OTOGL: variants seen among roughly 807,000 people sequenced by gnomAD.
OTOGL encodes otogelin like, also known as otogelin-like protein.
OTOGL carries 285 observed loss-of-function variants against 318.5 expected under a neutral mutation model. That is an observed-to-expected ratio of 0.89 (90% CI 0.81 to 0.99). OTOGL has a LOEUF of 0.99. Ranked by LOEUF, OTOGL falls within the 50% of genes least tolerant of loss-of-function variation. The pLI, the probability that OTOGL is intolerant of heterozygous loss-of-function variation, is 0.00. For synonymous variants in OTOGL, 987 were observed against 936.5 expected (o/e 1.05, Z -0.99); for missense variants, 2,899 against 2,845.6 (o/e 1.02, Z -0.43).
At chr12:80,309,180 G>A (rs1004292109) in intron 29 of OTOGL, among the ~76,000 whole-genome samples, 14 of 152,102 alleles carry the variant, frequency 9.2e-5, no homozygotes, top group African/African-American at 3.1e-4. Flanking sequence ...ATTACATACA[G>A]ACACATAATA....
chr12:80,289,509 C>A lies in OTOGL; in HGVS notation c.2929-7318C>A, dbSNP rs1443004031. On this transcript the variant is annotated intron_variant, in intron 26 of 58. Coordinates refer to ENST00000547103, the MANE Select transcript of OTOGL (RefSeq NM_001378609.3). ...AGCTGTGCCCACAGCTGACCCTTCCCGCAGGTGCTCTGTCCAGGGAGATGG... is the reference window on the plus strand; with the variant it reads ...AGCTGTGCCCACAGCTGACCCTTCCAGCAGGTGCTCTGTCCAGGGAGATGG... 2.0e-5 allele frequency among the ~76,000 whole-genome samples: 3 copies of A among 152,314 alleles called. No individual in the cohort carries two copies. In the South Asian group the frequency reaches 6.2e-4, roughly 32 times the overall value.
intron 1 of OTOGL, among the ~76,000 whole-genome samples, chr12:80,148,835 G>T (rs1045529285): frequency 1.7e-4 from 26 of 152,110 alleles, no homozygotes; most frequent in African/African-American, 2.7e-4. Flanking sequence ...CTTTCTTCCA[G>T]TTGATCGCAT....
chr12:80,254,960 T>G, intron 15 of OTOGL, 80 bp from the exon 16 acceptor site: 1 of 1,162,056 alleles, frequency 8.6e-7, no homozygotes, highest in Non-Finnish European at 1.1e-6. Flanking sequence ...AGGATTAACC[T>G]AATGGTATCA....
chr12:80,183,222 T>C (rs931433295), intron 1 of OTOGL, among the ~76,000 whole-genome samples: 2 of 152,226 alleles, frequency 1.3e-5, no homozygotes, highest in East Asian at 3.9e-4. Flanking sequence ...AGATTGGAGA[T>C]GACAGTCCTA....
intron 44 of OTOGL, chr12:80,343,536 T>TTTTAAC (rs1565999871): frequency 8.1e-6 from 1 of 123,972 alleles, no homozygotes; most frequent in Non-Finnish European, 1.7e-5. Flanking sequence ...TTTTTTTTTT[T>TTTTAAC]AACTTTCTTT....
intron 37 of OTOGL, among the ~76,000 whole-genome samples, chr12:80,332,001 A>G (rs1276022947): frequency 1.3e-5 from 2 of 152,156 alleles, no homozygotes; most frequent in Admixed American, 6.6e-5. Context: ...AAGTTAAAGG[A>G]AGGGACCATG....
At position 80,266,526 on chromosome 12, in the gene OTOGL, C is replaced by T; in HGVS notation, c.2300C>T (p.Ser767Phe). 6.2e-7 allele frequency: 1 copy of T among 1,613,372 alleles called. No individual in the cohort carries two copies. Among genetic ancestry groups the T allele is most frequent in the Non-Finnish European group, 8.5e-7 (1 of 1,179,544 alleles). The change falls in exon 21 of 59, where the codon TCC (serine) becomes TTC (phenylalanine). Residue 767 changes from serine (S) to phenylalanine (F), a missense_variant. Around this residue, in one of 3 missense-constraint regions of OTOGL, gnomAD observed 2,607 missense variants for 2,524.9 expected, o/e 1.03. Transcript: ENST00000547103. Reference protein sequence around the residue: ...FCLHSCISLSSPEQCSDDCAE... With the variant: ...FCLHSCISLSFPEQCSDDCAE... ...CTCCATTCCTGCATTTCTCTCTCTT[C>T]CCCGGAGCAGTGCAGTGATGACTGT...
At chr12:80,268,707 T>C (rs1207829656) in intron 22 of OTOGL, among the ~76,000 whole-genome samples, 1 of 152,104 alleles carries the variant, frequency 6.6e-6, no homozygotes, top group African/African-American at 2.4e-5. Context: ...GGATTTTACT[T>C]GATTTTACTT....
Position 80,337,079 on chromosome 12 carries a change from G to A in OTOGL, c.4860+75G>A, listed in dbSNP as rs1249252220. Reference sequence around the variant, plus strand: ...ATACAAACAGTTATTTCCAATAAGAGGGAAAATTAAGCATATCAATGGAAT... The same window carrying A: ...ATACAAACAGTTATTTCCAATAAGAAGGAAAATTAAGCATATCAATGGAAT... On this transcript the variant is annotated intron_variant, in intron 42 of 58. Transcript: ENST00000547103. 7 of 1,141,842 alleles carry A rather than the reference G, an allele frequency of 6.1e-6. No individual in the cohort carries two copies. The East Asian group carries it at 7.7e-5, about 13-fold the overall frequency. 70.7% of individuals were successfully genotyped at this position (1,141,842 alleles called of 1,614,324 possible). A position where few individuals can be genotyped will look rare whatever the true frequency, so the allele number is the denominator to read the frequency against.
At chr12:80,203,579 G>T (rs1217794533) in intron 1 of OTOGL, among the ~76,000 whole-genome samples, 2 of 152,132 alleles carry the variant, frequency 1.3e-5, no homozygotes, top group African/African-American at 4.8e-5. Flanking sequence ...TGAGTGGGAG[G>T]AGTTTCTTTG....
chr12:80,268,782 C>T (rs539246826), intron 22 of OTOGL, among the ~76,000 whole-genome samples: 1 of 152,158 alleles, frequency 6.6e-6, no homozygotes, highest in African/African-American at 2.4e-5. Context: ...CAGTGTGTCT[C>T]ATTTTCTCTT....
At position 80,323,850 on chromosome 12, in the gene OTOGL, G is replaced by A. The variant is rs149452803; in HGVS notation, c.4199+10G>A. On this transcript the variant is annotated intron_variant, in intron 35 of 58. Coordinates refer to ENST00000547103, the MANE Select transcript of OTOGL (RefSeq NM_001378609.3). The stretch of plus-strand genomic sequence containing the variant: ...GTAAATTTCTTCCACCGTAAGTAAC[G>A]TTTACCAATAAGTGATCAAAGTCCA... 1,203 of 1,585,812 alleles carry A rather than the reference G, an allele frequency of 7.6e-4. 14 individuals are homozygous for A. The East Asian group carries it at 0.019, about 25-fold the overall frequency.
intron 1 of OTOGL, among the ~76,000 whole-genome samples, chr12:80,104,973 G>A (rs755827064): frequency 5.9e-5 from 9 of 152,088 alleles, no homozygotes; most frequent in Non-Finnish European, 1.3e-4. Context: ...GTGCATGCCT[G>A]TAATCCCAGC....
chr12:80,377,007 G>A, intron 57 of OTOGL, 116 bp from the exon 58 acceptor site: 2 of 614,580 alleles, frequency 3.3e-6, no homozygotes, highest in Non-Finnish European at 5.3e-6. Context: ...TTTCAATACT[G>A]GAATATATTT....
At chr12:80,317,195 T>G (rs1011248292) in intron 32 of OTOGL, among the ~76,000 whole-genome samples, 1 of 152,174 alleles carries the variant, frequency 6.6e-6, no homozygotes, top group South Asian at 2.1e-4. Context: ...AAGTTCAGGG[T>G]AATTTTATTA....
At chr12:80,173,167 T>C (rs1369724857) in intron 1 of OTOGL, among the ~76,000 whole-genome samples, 1 of 147,788 alleles carries the variant, frequency 6.8e-6, no homozygotes, top group Non-Finnish European at 1.5e-5. Flanking sequence ...ATAAGATTCA[T>C]ATGCCTTTTT....
At chr12:80,116,934 C>A (rs1305025544) in intron 1 of OTOGL, among the ~76,000 whole-genome samples, 1 of 152,118 alleles carries the variant, frequency 6.6e-6, no homozygotes, top group African/African-American at 2.4e-5. Context: ...TTTTGTTTTC[C>A]TTGTGCTTCT....
chr12:80,274,278 A>G (rs1883629835), intron 24 of OTOGL, among the ~76,000 whole-genome samples: 2 of 152,108 alleles, frequency 1.3e-5, no homozygotes, highest in South Asian at 4.1e-4. Flanking sequence ...GAAAAGTGCT[A>G]CTACTCCAGT....
At chr12:80,319,528 C>T (rs551062800) in intron 33 of OTOGL, among the ~76,000 whole-genome samples, 27 of 152,242 alleles carry the variant, frequency 1.8e-4, no homozygotes, top group Non-Finnish European at 2.5e-4. Context: ...TTCTAAATTA[C>T]GCTGGTTACA....
Sources: gnomAD v4.1 joint callset for allele counts (sites outside exome capture counted in the v4.1 genomes callset) on GRCh38, gnomAD v4.1.1 for gene constraint, gnomAD v4.1.1 regional missense constraint, MANE v1.5 for transcripts, NCBI Gene and HGNC (gene_info 2026-07-23, HGNC 2026-07-21) for gene names.